The following NHSL1 variants were observed in gnomAD, a reference collection of about 807,000 sequenced individuals.
The protein encoded by NHSL1 is NHS like 1.
In NHSL1, 48 loss-of-function variants were observed where a neutral mutation model predicts 95.0. The ratio of observed to expected loss-of-function variants is 0.51; its 90% CI spans 0.40 to 0.64. The LOEUF (loss-of-function observed/expected upper bound fraction) is 0.64, where lower values mean the gene tolerates loss of function less well. Among genes scored for constraint, NHSL1 ranks in the 30% least tolerant of loss-of-function variants. The pLI, the probability that NHSL1 is intolerant of heterozygous loss-of-function variation, is 0.00. For synonymous variants in NHSL1, 783 were observed against 833.9 expected (o/e 0.94, Z 1.05); for missense variants, 1,971 against 2,077.7 (o/e 0.95, Z 1.00).
chr6:138,491,847 T>C (rs1780096990), intron 2 of NHSL1, among the ~76,000 whole-genome samples: 1 of 152,154 alleles, frequency 6.6e-6, no homozygotes, highest in Admixed American at 6.5e-5. Context: ...GAATCCCTAA[T>C]CCCAAAACCC....
At chr6:138,623,055 T>C (rs1784686441) in intron 1 of NHSL1, among the ~76,000 whole-genome samples, 1 of 152,108 alleles carries the variant, frequency 6.6e-6, no homozygotes, top group South Asian at 2.1e-4. Context: ...GAAAGCCACT[T>C]AGAAAAAAGG....
At chr6:138,439,418 A>C (rs1211216848) in intron 5 of NHSL1, among the ~76,000 whole-genome samples, 1 of 152,248 alleles carries the variant, frequency 6.6e-6, no homozygotes, top group Non-Finnish European at 1.5e-5. Flanking sequence ...ATGATTTGAT[A>C]ATCATTACCT....
intron 1 of NHSL1, among the ~76,000 whole-genome samples, chr6:138,624,814 T>C (rs1407171436): frequency 1.3e-5 from 2 of 152,184 alleles, no homozygotes; most frequent in African/African-American, 2.4e-5. Context: ...GCAAAAGCTT[T>C]GGTAGACCCT....
At chr6:138,469,394 T>C (rs1002407450) in intron 3 of NHSL1, among the ~76,000 whole-genome samples, 6 of 152,196 alleles carry the variant, frequency 3.9e-5, no homozygotes, top group African/African-American at 1.4e-4. Context: ...TCTTTGTCAC[T>C]GACAGCAGCA....
At chr6:138,624,476 T>A (rs116801847) in intron 1 of NHSL1, among the ~76,000 whole-genome samples, 2 of 152,034 alleles carry the variant, frequency 1.3e-5, no homozygotes, top group Non-Finnish European at 2.9e-5. Context: ...TGGAGCTACA[T>A]AGAGAATTGA....
intron 1 of NHSL1, among the ~76,000 whole-genome samples, chr6:138,610,348 C>T (rs1784493133): frequency 6.6e-6 from 1 of 151,830 alleles, no homozygotes; most frequent in Admixed American, 6.6e-5. Context: ...AATGAGAACA[C>T]TTGGACACAG....
At chr6:138,680,107 G>T (rs1171277562) in intron 1 of NHSL1, among the ~76,000 whole-genome samples, 1 of 152,226 alleles carries the variant, frequency 6.6e-6, no homozygotes, top group South Asian at 2.1e-4. Context: ...ACTTGTTGAT[G>T]TATTTTTATT....
At position 138,430,888 on chromosome 6, in the gene NHSL1, C is replaced by T. The variant is rs1210779693; in HGVS notation, c.3457G>A (p.Ala1153Thr). 1 of 1,551,480 alleles carries T rather than the reference C, an allele frequency of 6.4e-7. No individual in the cohort carries two copies. Among genetic ancestry groups the T allele is most frequent in the Non-Finnish European group, 8.7e-7 (1 of 1,146,912 alleles). ...CTCACAGGGCCACCACGCTCAGCCG[C>T]ACTGCCATGGTCACCCTGACTCGAG... ...KSSSQGDHGS[A>T]AERGGPVSRS... Residue 1153 changes from alanine (A) to threonine (T), a missense_variant, in exon 6 of 8, where the codon GCG (alanine) becomes ACG (threonine). Transcript: ENST00000343505. The surrounding 1 kb of genome is among the most constrained non-coding windows in gnomAD (Gnocchi z 4.7).
chr6:138,656,898 C>A (rs1485858880), intron 1 of NHSL1, among the ~76,000 whole-genome samples: 1 of 152,182 alleles, frequency 6.6e-6, no homozygotes, highest in East Asian at 1.9e-4. Context: ...AGATGCAAAT[C>A]CTCAGTGTGC....
chr6:138,555,970 G>A (rs570623509), intron 1 of NHSL1, among the ~76,000 whole-genome samples: 1 of 151,866 alleles, frequency 6.6e-6, no homozygotes, highest in Non-Finnish European at 1.5e-5. Flanking sequence ...CCAAACAAGG[G>A]ATCAGACAGG....
upstream of NHSL1, among the ~76,000 whole-genome samples, chr6:138,576,476 G>T (rs9484174): frequency 0.11 from 16,448 of 152,184 alleles, 1,507 homozygotes; most frequent in African/African-American, 0.26. Flanking sequence ...GTGCTGGGCT[G>T]CCCCCTCCCC....
At chr6:138,460,002 T>A (rs1470170570) in intron 3 of NHSL1, among the ~76,000 whole-genome samples, 3 of 152,222 alleles carry the variant, frequency 2.0e-5, no homozygotes, top group African/African-American at 7.2e-5. Context: ...TGAGTGAGAC[T>A]GGCCAGTTAA....
chr6:138,461,352 C>T (rs1172338054), intron 3 of NHSL1, among the ~76,000 whole-genome samples: 4 of 152,126 alleles, frequency 2.6e-5, no homozygotes, highest in Non-Finnish European at 5.9e-5. Flanking sequence ...CAGACTGCTA[C>T]AGAGTAGCGG....
At chr6:138,473,109 T>C (rs962370196) in intron 3 of NHSL1, among the ~76,000 whole-genome samples, 197 bp downstream of exon 3, 3 of 152,380 alleles carry the variant, frequency 2.0e-5, no homozygotes, top group African/African-American at 7.2e-5. Flanking sequence ...GCAAGTTTCC[T>C]GTGTACCCTT....
chr6:138,519,125 T>C (rs942096471), intron 1 of NHSL1, among the ~76,000 whole-genome samples: 2 of 152,064 alleles, frequency 1.3e-5, no homozygotes, highest in Admixed American at 6.5e-5. Flanking sequence ...TGGGAAAATA[T>C]AACTTTTCTG....
At chr6:138,546,326 C>CA (rs1782792118), upstream of NHSL1, among the ~76,000 whole-genome samples, 1 of 148,310 alleles carries the variant, frequency 6.7e-6, no homozygotes, top group African/African-American at 2.5e-5. Context: ...CATGGTGGCT[C>CA]ACACCTATAA....
intron 1 of NHSL1, among the ~76,000 whole-genome samples, chr6:138,599,328 A>G (rs1253651400): frequency 6.6e-6 from 1 of 152,142 alleles, no homozygotes; most frequent in African/African-American, 2.4e-5. Flanking sequence ...CCTGGCCAAT[A>G]TGGTGAAAGC....
chr6:138,650,376 T>C (rs1785074757), intron 1 of NHSL1: 7 of 1,382,266 alleles, frequency 5.1e-6, no homozygotes. Flanking sequence ...CCCACAGTTG[T>C]TCACAGCCAT....
At chr6:138,486,531 CT>C (rs1779741442) in intron 2 of NHSL1, among the ~76,000 whole-genome samples, 1 of 152,206 alleles carries the variant, frequency 6.6e-6, no homozygotes, top group African/African-American at 2.4e-5. Flanking sequence ...CAGTTGTGCT[CT>C]TTTGCAGACT....
Sources: gnomAD v4.1 joint callset for allele counts (sites outside exome capture counted in the v4.1 genomes callset) on GRCh38, gnomAD v4.1.1 for gene constraint, Gnocchi (gnomAD v3.1) non-coding constraint, MANE v1.5 for transcripts, NCBI Gene and HGNC (gene_info 2026-07-23, HGNC 2026-07-21) for gene names.